The following ZNF566 variants were observed in gnomAD, a reference collection of about 807,000 sequenced individuals.
ZNF566 encodes the protein zinc finger protein 566.
A neutral mutation model predicts 32.8 loss-of-function variants in ZNF566; 27 were observed. The ratio of observed to expected loss-of-function variants is 0.82; its 90% CI spans 0.61 to 1.14. The LOEUF is 1.14. Ranked by LOEUF, ZNF566 falls within the 50% of genes most tolerant of loss-of-function variation. The probability of loss-of-function intolerance (pLI) is 0.00; values close to 1 mark genes in which losing one functional copy is unlikely to be tolerated. For missense variants in ZNF566, 402 were observed against 490.4 expected, an observed-to-expected ratio of 0.82 and a Z score of 1.70; for synonymous variants, 154 against 159.5, an observed-to-expected ratio of 0.97 and a Z score of 0.26.
At chr19:36,478,798 T>C (rs1293095954) in intron 1 of ZNF566, among the ~76,000 whole-genome samples, 1 of 152,206 alleles carries the variant, frequency 6.6e-6, no homozygotes. Context: ...GGGTTATTTA[T>C]GCAGCTGATA....
intron 4 of ZNF566, among the ~76,000 whole-genome samples, chr19:36,468,626 C>G (rs1160596296): frequency 2.0e-5 from 3 of 151,060 alleles, no homozygotes; most frequent in Admixed American, 2.0e-4. Context: ...AAAAATTAGG[C>G]AGCTAGTTTG....
At chr19:36,476,203 G>A (rs1265925239) in intron 2 of ZNF566, 1 of 171,524 alleles carries the variant, frequency 5.8e-6, no homozygotes, top group Non-Finnish European at 1.2e-5. Context: ...CTACTCAGGA[G>A]GCTGAAGTAG....
intron 1 of ZNF566, among the ~76,000 whole-genome samples, chr19:36,484,594 T>TTC (rs2034111256): frequency 6.9e-6 from 1 of 144,668 alleles, no homozygotes; most frequent in Admixed American, 6.8e-5. Context: ...TTTCTTTTTT[T>TTC]TTTTTTTTTT....
intron 1 of ZNF566, among the ~76,000 whole-genome samples, chr19:36,488,376 T>A (rs913592281): frequency 6.6e-5 from 10 of 152,226 alleles, no homozygotes; most frequent in African/African-American, 2.2e-4. Context: ...ATTACACGCA[T>A]GAGCCTCCAC....
intron 3 of ZNF566, 35 bp from the exon 4 acceptor site, chr19:36,473,041 A>T (rs1356691187): frequency 8.3e-6 from 13 of 1,565,722 alleles, no homozygotes; most frequent in East Asian, 4.5e-5. Flanking sequence ...CAAATTTATC[A>T]TGAGCATATC....
chr19:36,450,613 G>C (rs1282510049), intron 4 of ZNF566, among the ~76,000 whole-genome samples: 1 of 152,194 alleles, frequency 6.6e-6, no homozygotes, highest in Non-Finnish European at 1.5e-5. Context: ...CTGCACTCCA[G>C]CCTGGGCAAC....
chr19:36,479,881 G>A (rs2033982744), intron 1 of ZNF566, among the ~76,000 whole-genome samples: 1 of 152,140 alleles, frequency 6.6e-6, no homozygotes, highest in African/African-American at 2.4e-5. Flanking sequence ...TGTTTTGGTA[G>A]AGACAGGGTC....
chr19:36,476,476 T>C (rs2145693249), intron 2 of ZNF566, 73 bp downstream of exon 2: 2 of 1,403,248 alleles, frequency 1.4e-6, no homozygotes, highest in Non-Finnish European at 2.0e-6. Context: ...AGCATCATCA[T>C]GAGGAAAGCA....
chr19:36,476,659 A>G, intron 1 of ZNF566, 43 bp from the exon 2 acceptor site: 2 of 1,517,686 alleles, frequency 1.3e-6, no homozygotes, highest in East Asian at 2.3e-5. Context: ...CACTTTCCTC[A>G]CAGCTCCTGG....
chr19:36,455,102 T>A (rs1248428262), intron 4 of ZNF566, among the ~76,000 whole-genome samples: 2 of 152,144 alleles, frequency 1.3e-5, no homozygotes, highest in Non-Finnish European at 2.9e-5. Context: ...ATACACCACA[T>A]CCTAAAACCA....
At position 36,473,368 on chromosome 19, in the gene ZNF566, C is replaced by T. The variant is rs200912178; in HGVS notation, c.100G>A (p.Val34Met). 1 of 1,614,076 alleles carries T rather than the reference C, an allele frequency of 6.2e-7. No individual in the cohort carries two copies. The highest frequency in any genetic ancestry group is 1.7e-5 in the Admixed American group (1 of 60,008). ...AGGTTGCTGTAATTCTCCAACATCA[C>T]ATCTCTGTATAAATCTCTCTGATCA... ...NDDQRDLYRD[V>M]MLENYSNLVS... Residue 34 changes from valine to methionine, a missense_variant, in exon 3 of 5, where the codon GTG (valine) becomes ATG (methionine). By Grantham distance (21) the Val-to-Met change is conservative (BLOSUM62 1). Coordinates refer to ENST00000452939, the MANE Select transcript of ZNF566 (RefSeq NM_001145344.1).
At chr19:36,476,871 C>G (rs2033899608) in intron 1 of ZNF566, among the ~76,000 whole-genome samples, 1 of 152,012 alleles carries the variant, frequency 6.6e-6, no homozygotes, top group Non-Finnish European at 1.5e-5. Context: ...ATTTTTTTAA[C>G]TCATATTATA....
chr19:36,463,127 G>A (rs1175759206), intron 4 of ZNF566, among the ~76,000 whole-genome samples: 1 of 151,510 alleles, frequency 6.6e-6, no homozygotes, highest in Non-Finnish European at 1.5e-5. Flanking sequence ...AACACAGGGA[G>A]ACCTGGTTTC....
intron 4 of ZNF566, among the ~76,000 whole-genome samples, chr19:36,470,625 T>G (rs896235034): frequency 4.6e-5 from 7 of 152,032 alleles, no homozygotes; most frequent in African/African-American, 1.7e-4. Flanking sequence ...ATATGTTGCA[T>G]CAAGGACAGG....
chr19:36,473,668 T>C (rs2967541), intron 2 of ZNF566, among the ~76,000 whole-genome samples: 25 of 152,244 alleles, frequency 1.6e-4, no homozygotes, highest in African/African-American at 5.8e-4. Context: ...ACTGCCTGAG[T>C]ATGCTAGGAT....
chr19:36,477,430 G>A (rs2145695440), intron 1 of ZNF566, among the ~76,000 whole-genome samples: 1 of 151,940 alleles, frequency 6.6e-6, no homozygotes, highest in African/African-American at 2.4e-5. Context: ...ACCTGTATAT[G>A]AGTTCTTCAC....
chr19:36,467,981 T>A (rs560575538), intron 4 of ZNF566, among the ~76,000 whole-genome samples: 26 of 150,146 alleles, frequency 1.7e-4, no homozygotes, highest in Admixed American at 6.6e-4. Flanking sequence ...AGGTCAGGAG[T>A]TCGAGAGCAG....
chr19:36,453,203 G>A (rs2033207337), intron 4 of ZNF566, among the ~76,000 whole-genome samples: 1 of 151,774 alleles, frequency 6.6e-6, no homozygotes, highest in African/African-American at 2.4e-5. Context: ...GCGGGGCGCT[G>A]GTGGCTCACA....
At chr19:36,473,109 T>A in intron 3 of ZNF566, 103 bp from the exon 4 acceptor site, 1 of 1,186,564 alleles carries the variant, frequency 8.4e-7, no homozygotes, top group Non-Finnish European at 1.2e-6. Context: ...ATGAGAAGAG[T>A]CAAAGAGAGG....
Sources: allele counts gnomAD v4.1 joint callset (sites outside exome capture counted in the v4.1 genomes callset), GRCh38; gene constraint gnomAD v4.1.1; transcripts MANE v1.5; gene names NCBI Gene and HGNC (gene_info 2026-07-23, HGNC 2026-07-21).